Variants in SPMIP2 observed in about 807,000 individuals in gnomAD.
SPMIP2 encodes the protein protein SPMIP2.
At chr4:159,021,954 T>C in the SPMIP2 span, among the ~76,000 whole-genome samples, 2 of 152,242 alleles carry the variant, frequency 1.3e-5, no homozygotes, top group Non-Finnish European at 2.9e-5. Context: ...AAATGAAATC[T>C]ACGATGTCAG....
At chr4:158,950,853 A>G in the SPMIP2 span, among the ~76,000 whole-genome samples, 1 of 152,268 alleles carries the variant, frequency 6.6e-6, no homozygotes, top group East Asian at 1.9e-4. Flanking sequence ...AGATTGCACC[A>G]TTGCACTCCA....
the SPMIP2 span, among the ~76,000 whole-genome samples, chr4:158,986,453 C>T: frequency 6.6e-6 from 1 of 152,126 alleles, no homozygotes; most frequent in African/African-American, 2.4e-5. Flanking sequence ...ATCAATGGAA[C>T]AGAACAAAGC....
At chr4:159,033,798 G>A in the SPMIP2 span, among the ~76,000 whole-genome samples, 2 of 152,046 alleles carry the variant, frequency 1.3e-5, no homozygotes, top group Non-Finnish European at 1.5e-5. Context: ...CCATAAATAT[G>A]CATTTGATTA....
the SPMIP2 span, among the ~76,000 whole-genome samples, chr4:159,019,722 T>C: frequency 3.3e-5 from 5 of 151,908 alleles, no homozygotes; most frequent in African/African-American, 1.2e-4. Flanking sequence ...TAGGCCAGAG[T>C]GTGGCTGTGG....
At chr4:159,017,096 AG>A in the SPMIP2 span, among the ~76,000 whole-genome samples, 4 of 152,146 alleles carry the variant, frequency 2.6e-5, no homozygotes, top group African/African-American at 9.7e-5. Flanking sequence ...TTGAGAAAGT[AG>A]TAGTAGAGAA....
At chr4:158,925,079 G>A in the SPMIP2 span, among the ~76,000 whole-genome samples, 6 of 151,930 alleles carry the variant, frequency 3.9e-5, no homozygotes, top group African/African-American at 1.5e-4. Flanking sequence ...TTTCCTCCTC[G>A]TTTATTTTTC....
chr4:159,075,176 A>C, the SPMIP2 span, among the ~76,000 whole-genome samples: 3 of 152,200 alleles, frequency 2.0e-5, no homozygotes, highest in African/African-American at 7.2e-5. Flanking sequence ...ACGAGAGTGG[A>C]AATGGGTGGT....
the SPMIP2 span, among the ~76,000 whole-genome samples, chr4:158,996,182 C>A: frequency 1.3e-5 from 2 of 152,170 alleles, no homozygotes; most frequent in Non-Finnish European, 1.5e-5. Context: ...ATATAAAATT[C>A]TGTAGTTTTC....
At chr4:158,976,659 ATTTTTTT>A in the SPMIP2 span, among the ~76,000 whole-genome samples, 49 of 94,686 alleles carry the variant, frequency 5.2e-4, no homozygotes, top group Middle Eastern at 9.1e-3. Flanking sequence ...ATGGATAAGC[ATTTTTTT>A]TTTTTTTTTT....
At chr4:158,908,943 C>T in the SPMIP2 span, among the ~76,000 whole-genome samples, 1 of 152,202 alleles carries the variant, frequency 6.6e-6, no homozygotes, top group Non-Finnish European at 1.5e-5. Flanking sequence ...CCACCTCAGC[C>T]TCCCAAAGTG....
chr4:159,039,067 T>A, the SPMIP2 span, among the ~76,000 whole-genome samples: 7 of 152,210 alleles, frequency 4.6e-5, no homozygotes, highest in African/African-American at 1.7e-4. Flanking sequence ...CAACCTTGAC[T>A]GCCCTGGGCT....
the SPMIP2 span, among the ~76,000 whole-genome samples, chr4:158,986,058 C>T: frequency 6.6e-6 from 1 of 150,802 alleles, no homozygotes; most frequent in African/African-American, 2.4e-5. Flanking sequence ...AATAAAATAC[C>T]TAGGAATCCA....
At chr4:159,069,240 T>C in the SPMIP2 span, among the ~76,000 whole-genome samples, 11 of 152,132 alleles carry the variant, frequency 7.2e-5, no homozygotes, top group African/African-American at 2.7e-4. Flanking sequence ...GAGGCGAAGG[T>C]TACAGTGGGC....
the SPMIP2 span, among the ~76,000 whole-genome samples, chr4:158,934,630 A>G: frequency 1.3e-5 from 2 of 151,960 alleles, no homozygotes; most frequent in African/African-American, 4.8e-5. Context: ...TTATCTTCCC[A>G]TCTCTCTGCT....
At chr4:159,082,376 T>C in the SPMIP2 span, among the ~76,000 whole-genome samples, 1 of 151,416 alleles carries the variant, frequency 6.6e-6, no homozygotes, top group African/African-American at 2.4e-5. Flanking sequence ...GCTTCTACTA[T>C]GAGGAGATAA....
the SPMIP2 span, among the ~76,000 whole-genome samples, chr4:159,072,694 C>T: frequency 6.6e-6 from 1 of 151,980 alleles, no homozygotes; most frequent in Non-Finnish European, 1.5e-5. Flanking sequence ...AACTCCTGGG[C>T]TCATGTGATC....
the SPMIP2 span, among the ~76,000 whole-genome samples, chr4:159,020,726 A>C: frequency 6.6e-6 from 1 of 152,266 alleles, no homozygotes; most frequent in Admixed American, 6.5e-5. Context: ...CAAACGTTTA[A>C]GCTAAGGCAC....
the SPMIP2 span, among the ~76,000 whole-genome samples, chr4:158,990,139 C>T: frequency 6.6e-6 from 1 of 152,202 alleles, no homozygotes; most frequent in Non-Finnish European, 1.5e-5. Context: ...CTCATCATCA[C>T]TGGTCATTAG....
the SPMIP2 span, among the ~76,000 whole-genome samples, chr4:158,947,623 T>C: frequency 6.6e-6 from 1 of 152,310 alleles, no homozygotes; most frequent in Middle Eastern, 3.4e-3. Context: ...AATATATCTA[T>C]TAAAATTCAT....
Sources: gnomAD v4.1 joint callset for allele counts (sites outside exome capture counted in the v4.1 genomes callset) on GRCh38, gnomAD v4.1.1 for gene constraint, MANE v1.5 for transcripts, NCBI Gene and HGNC (gene_info 2026-07-23, HGNC 2026-07-21) for gene names.